The following AOPEP variants were observed in gnomAD, a reference collection of about 807,000 sequenced individuals.
AOPEP encodes the protein aminopeptidase O (putative), also known as aminopeptidase O.
In AOPEP, 77 loss-of-function variants were observed where a neutral mutation model predicts 98.1. The observed-to-expected ratio is 0.78, with a 90% CI of 0.65 to 0.95. The LOEUF is 0.95. AOPEP is among the 40% of genes least tolerant of loss of function. AOPEP has a pLI of 0.00. For missense variants in AOPEP, 1,024 were observed against 1,024.7 expected, an observed-to-expected ratio of 1.00 and a Z score of 0.01; for synonymous variants, 346 against 365.3, an observed-to-expected ratio of 0.95 and a Z score of 0.60.
chr9:94,883,855 G>GA (rs941616004), intron 5 of AOPEP, among the ~76,000 whole-genome samples: 1 of 152,176 alleles, frequency 6.6e-6, no homozygotes, highest in Admixed American at 6.5e-5. Flanking sequence ...CTGACATACT[G>GA]AAGACCATGT....
rs1219314791 is a variant in AOPEP, at chr9:94,866,101, A to C, written c.1365-57885A>C. On this transcript the variant is annotated intron_variant, in intron 5 of 16. Coordinates refer to ENST00000375315, the MANE Select transcript of AOPEP (RefSeq NM_001193329.3). Reference sequence around the variant, plus strand: ...CTCTTTTTCCATGTAACCAGACCGTAGCAAGGAGTCACTGACTGGGAAGCA... The same window carrying C: ...CTCTTTTTCCATGTAACCAGACCGTCGCAAGGAGTCACTGACTGGGAAGCA... 3.9e-5 allele frequency among the ~76,000 whole-genome samples: 6 copies of C among 152,372 alleles called. No homozygotes were observed. The East Asian group carries it at 7.7e-4, about 20-fold the overall frequency.
chr9:95,039,015 A>T (rs763718138), intron 13 of AOPEP, among the ~76,000 whole-genome samples: 7 of 152,186 alleles, frequency 4.6e-5, no homozygotes, highest in African/African-American at 1.7e-4. Context: ...GTTTAGATTC[A>T]TGTGCCAAAG....
In AOPEP at chr9:94,991,358, T is replaced by C. The variant is rs1186650465; in HGVS notation, c.1977+11931T>C. Among the ~76,000 whole-genome samples the C allele has an allele frequency of 2.6e-5, 4 of 152,368 alleles. No individual in the cohort carries two copies. In the East Asian group the frequency reaches 5.8e-4, roughly 22 times the overall value. On this transcript the variant is annotated intron_variant, in intron 11 of 16. Coordinates refer to ENST00000375315, the MANE Select transcript of AOPEP (RefSeq NM_001193329.3). The stretch of plus-strand genomic sequence containing the variant: ...GTTAAATATTAGTTTTTTCTGGTAT[T>C]GTGCAACTTTGAGCTTGCTGTAGAA...
chr9:94,954,472 G>T (rs923509861), intron 7 of AOPEP, among the ~76,000 whole-genome samples: 1 of 152,070 alleles, frequency 6.6e-6, no homozygotes, highest in Non-Finnish European at 1.5e-5. Context: ...GGAAAAAATC[G>T]CAAAAAAATC....
the AOPEP span, among the ~76,000 whole-genome samples, chr9:95,146,551 C>T: frequency 5.3e-5 from 7 of 132,912 alleles, no homozygotes; most frequent in African/African-American, 1.7e-4. Flanking sequence ...GATTTAAAAA[C>T]CACAGTATTC....
chr9:94,773,808 C>T (rs1387784246), intron 3 of AOPEP, among the ~76,000 whole-genome samples: 3 of 151,554 alleles, frequency 2.0e-5, no homozygotes, highest in East Asian at 1.9e-4. Context: ...CTCTGTTGCC[C>T]GGGCTGGAGT....
At chr9:94,928,365 C>A in intron 6 of AOPEP, 60 bp from the exon 7 acceptor site, 1 of 1,241,900 alleles carries the variant, frequency 8.1e-7, no homozygotes, top group Non-Finnish European at 1.1e-6. Flanking sequence ...GCCATTGCAC[C>A]AGGACCACAA....
chr9:95,125,185 C>A, the AOPEP span: 4 of 1,613,020 alleles, frequency 2.5e-6, no homozygotes, highest in Non-Finnish European at 3.4e-6. Context: ...GGAGTGCACA[C>A]CTGAACAATG....
At chr9:94,743,223 A>AGAAGAGGAAGAAGAG (rs1554695899) in intron 1 of AOPEP, among the ~76,000 whole-genome samples, 9 of 64,640 alleles carry the variant, frequency 1.4e-4, no homozygotes, top group African/African-American at 4.4e-4. Flanking sequence ...AAGAAGAGGA[A>AGAAGAGGAAGAAGAG]GAAGAAGAGG....
At chr9:94,887,171 C>G (rs576221963) in intron 5 of AOPEP, among the ~76,000 whole-genome samples, 1 of 151,754 alleles carries the variant, frequency 6.6e-6, no homozygotes, top group South Asian at 2.1e-4. Context: ...TGAGACCCCC[C>G]CCGTCTCTAC....
chr9:94,991,746 A>G (rs766267843), intron 11 of AOPEP, among the ~76,000 whole-genome samples: 13 of 152,194 alleles, frequency 8.5e-5, no homozygotes, highest in Non-Finnish European at 1.3e-4. Flanking sequence ...AATATGTGTC[A>G]TGGATATACA....
intron 9 of AOPEP, among the ~76,000 whole-genome samples, chr9:94,966,805 C>A (rs1422694262): frequency 6.6e-6 from 1 of 152,036 alleles, no homozygotes; most frequent in Non-Finnish European, 1.5e-5. Context: ...ATTTGACAAC[C>A]CTAGTTAAGA....
chr9:94,755,003 G>A (rs1427410910), intron 1 of AOPEP, among the ~76,000 whole-genome samples: 3 of 152,084 alleles, frequency 2.0e-5, no homozygotes, highest in African/African-American at 4.8e-5. Flanking sequence ...ATTACTGTAC[G>A]CTAATCCTTT....
intron 7 of AOPEP, among the ~76,000 whole-genome samples, chr9:94,933,969 T>C (rs535985696): frequency 6.6e-6 from 1 of 152,198 alleles, no homozygotes; most frequent in African/African-American, 2.4e-5. Context: ...AGGATGGTCT[T>C]GATCTCCTGA....
At chr9:95,101,915 G>A in the AOPEP span, 2 of 1,594,596 alleles carry the variant, frequency 1.3e-6, no homozygotes, top group South Asian at 1.1e-5. Context: ...CCTTTGTCCA[G>A]GGACGGACCA....
At chr9:95,113,304 TAC>T in the AOPEP span, among the ~76,000 whole-genome samples, 1 of 152,154 alleles carries the variant, frequency 6.6e-6, no homozygotes, top group African/African-American at 2.4e-5. Context: ...GGTGTGAGAC[TAC>T]AGAGAATTCC....
At chr9:95,003,959 C>G (rs923155595) in intron 11 of AOPEP, 1 of 214,360 alleles carries the variant, frequency 4.7e-6, no homozygotes, top group Admixed American at 5.6e-5. Flanking sequence ...GGGATAAATT[C>G]CTGATGTCTC....
intron 11 of AOPEP, among the ~76,000 whole-genome samples, chr9:94,982,457 A>G: frequency 6.6e-6 from 1 of 152,184 alleles, no homozygotes; most frequent in Admixed American, 6.5e-5. Context: ...ATGTAGGCGC[A>G]CATTCTTTTG....
chr9:95,140,037 T>C, the AOPEP span, among the ~76,000 whole-genome samples: 1 of 151,974 alleles, frequency 6.6e-6, no homozygotes, highest in Non-Finnish European at 1.5e-5. Flanking sequence ...ACCAAAATCA[T>C]GAATTCAAGA....
Sources: gnomAD v4.1 joint callset for allele counts (sites outside exome capture counted in the v4.1 genomes callset) on GRCh38, gnomAD v4.1.1 for gene constraint, MANE v1.5 for transcripts, NCBI Gene and HGNC (gene_info 2026-07-23, HGNC 2026-07-21) for gene names.